Variants in DLAT observed in about 807,000 individuals in gnomAD.
The protein encoded by DLAT is dihydrolipoamide S-acetyltransferase, also known as dihydrolipoyllysine-residue acetyltransferase component of pyruvate dehydrogenase complex, mitochondrial.
In DLAT, 43 loss-of-function variants were observed where a neutral mutation model predicts 68.0. The observed-to-expected ratio is 0.63, with a 90% CI of 0.50 to 0.81. The LOEUF is 0.81. DLAT is among the 40% of genes least tolerant of loss of function. The pLI is 0.00. For missense variants in DLAT, 745 were observed against 815.4 expected (o/e 0.91, Z 1.05); for synonymous variants, 265 against 288.6 (o/e 0.92, Z 0.83).
chr11:112,046,698 C>G (rs587658744), intron 10 of DLAT, among the ~76,000 whole-genome samples: 2 of 151,866 alleles, frequency 1.3e-5, no homozygotes, highest in East Asian at 3.9e-4. Flanking sequence ...CTCCCACTTA[C>G]AAGTGAGAAC....
chr11:112,027,479 C>T (rs9704549), intron 2 of DLAT, among the ~76,000 whole-genome samples: 45,912 of 149,830 alleles, frequency 0.31, 7,562 homozygotes, highest in East Asian at 0.56. Context: ...AGAGACGCTC[C>T]TCACTTCCCA....
At chr11:112,044,790 T>G (rs587638588) in intron 8 of DLAT, among the ~76,000 whole-genome samples, 1 of 152,254 alleles carries the variant, frequency 6.6e-6, no homozygotes, top group Admixed American at 6.5e-5. Flanking sequence ...CCCAGCACTT[T>G]GGGAAGCCAA....
intron 4 of DLAT, chr11:112,030,069 A>G (rs1434727643): frequency 2.1e-6 from 2 of 933,560 alleles, no homozygotes; most frequent in African/African-American, 3.3e-5. Context: ...TCTAAGTTTA[A>G]AATTTTCGTC....
chr11:112,049,239 A>G (rs1185463505), intron 10 of DLAT, among the ~76,000 whole-genome samples: 1 of 152,176 alleles, frequency 6.6e-6, no homozygotes, highest in Non-Finnish European at 1.5e-5. Context: ...AGTGAATTTT[A>G]GGATTAGCTT....
chr11:112,059,567 A>G (rs1410188558), intron 11 of DLAT, among the ~76,000 whole-genome samples: 1 of 151,908 alleles, frequency 6.6e-6, no homozygotes, highest in African/African-American at 2.4e-5. Context: ...TAACTTTTGT[A>G]TTTTTGGTAG....
At chr11:112,037,963 C>T (rs1290216840) in intron 6 of DLAT, among the ~76,000 whole-genome samples, 1 of 152,110 alleles carries the variant, frequency 6.6e-6, no homozygotes, top group Non-Finnish European at 1.5e-5. Context: ...GGAACCTTGA[C>T]ATGACTTGTT....
At position 112,036,236 on chromosome 11, in the gene DLAT, G is replaced by A. The variant is rs1442246790; in HGVS notation, c.788-1037G>A. On this transcript the variant is annotated intron_variant, in intron 5 of 13. Coordinates refer to ENST00000280346, the MANE Select transcript of DLAT (RefSeq NM_001931.5). ...TTTTTTTTTTTTTTTTTTTTGAGAC[G>A]GAGTTTCGCTCTTGTTGCCCAGGCT... 3.1e-4 allele frequency among the ~76,000 whole-genome samples: 15 copies of A among 48,016 alleles called. 1 individual carries two copies. In the East Asian group the frequency reaches 7.0e-3, roughly 22 times the overall value. 31.5% of individuals were successfully genotyped at this position (48,016 alleles called of 152,430 possible).
At chr11:112,031,401 C>A (rs1862385253) in intron 4 of DLAT, among the ~76,000 whole-genome samples, 1 of 152,012 alleles carries the variant, frequency 6.6e-6, no homozygotes, top group Admixed American at 6.6e-5. Flanking sequence ...GCTTTTTTTA[C>A]CCCTGGTTTT....
intron 10 of DLAT, among the ~76,000 whole-genome samples, chr11:112,048,593 G>T (rs192051292): frequency 6.6e-6 from 1 of 152,292 alleles, no homozygotes; most frequent in Non-Finnish European, 1.5e-5. Context: ...GGGTGCAGTG[G>T]CGTGATCTTG....
At chr11:112,052,279 T>TAATTC (rs1448148363) in intron 11 of DLAT, among the ~76,000 whole-genome samples, 5 of 152,164 alleles carry the variant, frequency 3.3e-5, no homozygotes, top group South Asian at 2.1e-4. Flanking sequence ...TGATTTCCTC[T>TAATTC]AATTCAATTC....
At chr11:112,060,713 G>A (rs1864547218) in intron 12 of DLAT, among the ~76,000 whole-genome samples, 1 of 152,046 alleles carries the variant, frequency 6.6e-6, no homozygotes, top group South Asian at 2.1e-4. Context: ...TGATCCACCC[G>A]CCTCACCCTC....
chr11:112,057,823 A>C (rs1864193739), intron 11 of DLAT, among the ~76,000 whole-genome samples: 1 of 151,350 alleles, frequency 6.6e-6, no homozygotes, highest in Non-Finnish European at 1.5e-5. Context: ...TCAAGGCAAG[A>C]TCTACCAGCA....
intron 8 of DLAT, 48 bp from the exon 9 acceptor site, chr11:112,045,090 G>A (rs1208563507): frequency 6.9e-7 from 1 of 1,441,942 alleles, no homozygotes; most frequent in African/African-American, 1.4e-5. Context: ...AGGTACTTAC[G>A]CTAAGATTGA....
At chr11:112,043,091 C>CT (rs1863128768) in intron 7 of DLAT, among the ~76,000 whole-genome samples, 1 of 152,186 alleles carries the variant, frequency 6.6e-6, no homozygotes, top group Non-Finnish European at 1.5e-5. Flanking sequence ...GCTAGTTTCC[C>CT]TTTTGGAGAT....
rs1216155382 is a variant in DLAT at position 112,034,406 on chromosome 11, T to TA, written c.787+883dup. Among the ~76,000 whole-genome samples the TA allele has an allele frequency of 5.3e-5, 8 of 151,858 alleles. No individual in the cohort carries two copies. In the East Asian group the frequency reaches 7.7e-4, roughly 15 times the overall value. On this transcript the variant is annotated intron_variant, in intron 5 of 13. Transcript: ENST00000280346. Reference sequence around the variant, plus strand: ...TCTCCTTCTTAATTCATTTTTAGGCTAAAAAAACCCATATAGACAATAATA... The same window carrying TA: ...TCTCCTTCTTAATTCATTTTTAGGCTAAAAAAAACCCATATAGACAATAATA...
chr11:112,028,986 T>C, intron 4 of DLAT, 41 bp downstream of exon 4: 1 of 1,611,768 alleles, frequency 6.2e-7, no homozygotes. Flanking sequence ...GGTGATTACT[T>C]ACTTACTCAC....
Position 112,035,857 on chromosome 11 carries a change from C to T in DLAT, c.788-1416C>T, listed in dbSNP as rs188600374. 5.7e-3 allele frequency among the ~76,000 whole-genome samples: 811 copies of T among 142,502 alleles called. 3 individuals carry two copies. The highest frequency in any genetic ancestry group is 7.9e-3 in the Non-Finnish European group (526 of 66,810). The allele number at this position is 142,502 out of a possible 152,430, so 93.5% of individuals were successfully genotyped here. A position where few individuals can be genotyped will look rare whatever the true frequency, so the allele number is the denominator to read the frequency against. On this transcript the variant is annotated intron_variant, in intron 5 of 13. Coordinates refer to ENST00000280346, the MANE Select transcript of DLAT (RefSeq NM_001931.5). Reference sequence around the variant, plus strand: ...CCAGGCTGGAGTGCAATGGCATGATCTTGGCTCACTGCAATTTCCACCTCC... The same window carrying T: ...CCAGGCTGGAGTGCAATGGCATGATTTTGGCTCACTGCAATTTCCACCTCC...
chr11:112,036,080 C>T (rs1388362421), intron 5 of DLAT, among the ~76,000 whole-genome samples: 8 of 148,862 alleles, frequency 5.4e-5, no homozygotes, highest in Admixed American at 4.0e-4. Context: ...CGTGAGCCAC[C>T]GTGCCCAGCC....
chr11:112,030,320 A>G, intron 4 of DLAT: 1 of 524,266 alleles, frequency 1.9e-6, no homozygotes, highest in Non-Finnish European at 3.8e-6. Flanking sequence ...CATTGCTGAC[A>G]TCAAAGAACA....
Sources: gnomAD v4.1 joint callset for allele counts (sites outside exome capture counted in the v4.1 genomes callset) on GRCh38, gnomAD v4.1.1 for gene constraint, MANE v1.5 for transcripts, NCBI Gene and HGNC (gene_info 2026-07-23, HGNC 2026-07-21) for gene names.